Variants in NSD1 observed in about 807,000 individuals in gnomAD.
NSD1 encodes nuclear receptor binding SET domain protein 1.
NSD1 carries 26 observed loss-of-function variants against 242.7 expected under a neutral mutation model. That is an observed-to-expected ratio of 0.11 (90% CI 0.08 to 0.15). The LOEUF is 0.15. Among genes scored for constraint, NSD1 ranks in the 10% least tolerant of loss-of-function variants. The probability of loss-of-function intolerance (pLI) is 1.00; values close to 1 mark genes in which losing one functional copy is unlikely to be tolerated. For missense variants in NSD1, 2,495 were observed against 3,272.8 expected, an observed-to-expected ratio of 0.76 and a Z score of 5.80; for synonymous variants, 1,106 against 1,178.1, an observed-to-expected ratio of 0.94 and a Z score of 1.25.
intron 2 of NSD1, among the ~76,000 whole-genome samples, chr5:177,158,188 A>C (rs1286824179): frequency 6.6e-6 from 1 of 152,060 alleles, no homozygotes; most frequent in Non-Finnish European, 1.5e-5. Flanking sequence ...ACTGTTTTAC[A>C]TAGTGGTTGC....
At chr5:177,201,562 C>CTTT (rs754318510) in intron 3 of NSD1, among the ~76,000 whole-genome samples, 1 of 127,282 alleles carries the variant, frequency 7.9e-6, no homozygotes. Flanking sequence ...TAACTGTTTA[C>CTTT]TTTTTTTTTT....
intron 22 of NSD1, 64 bp from the exon 23 acceptor site, chr5:177,293,768 G>A (rs1760045029): frequency 6.3e-7 from 1 of 1,575,944 alleles, no homozygotes; most frequent in Non-Finnish European, 8.7e-7. Context: ...CTGTAGCATA[G>A]CCTTGGCCCA....
At chr5:177,179,695 A>G (rs1760499107) in intron 2 of NSD1, among the ~76,000 whole-genome samples, 1 of 152,166 alleles carries the variant, frequency 6.6e-6, no homozygotes, top group African/African-American at 2.4e-5. Context: ...ACACAATTTG[A>G]AAACTACCTC....
intron 4 of NSD1, among the ~76,000 whole-genome samples, chr5:177,205,768 AAAT>A (rs60261150): frequency 0.1 from 15,374 of 151,834 alleles, 1,301 homozygotes; most frequent in African/African-American, 0.24. Context: ...CTAGAAGGAG[AAAT>A]AATAATTCTT....
chr5:177,132,557 C>A (rs1013044938), upstream of NSD1, among the ~76,000 whole-genome samples: 162 of 151,898 alleles, frequency 1.1e-3, no homozygotes, highest in African/African-American at 3.6e-3. The surrounding 1 kb of genome is among the most constrained non-coding windows in gnomAD (Gnocchi z 7.5). Flanking sequence ...GAGGGAGCTT[C>A]GTCCCGGCTG....
At chr5:177,224,864 A>G (rs1764515931) in intron 5 of NSD1, among the ~76,000 whole-genome samples, 1 of 151,548 alleles carries the variant, frequency 6.6e-6, no homozygotes, top group African/African-American at 2.4e-5. Context: ...TTTTATACCT[A>G]TTTTGTCACA....
chr5:177,158,329 T>TTTTCTTTCTTTTC (rs1758372062), intron 2 of NSD1, among the ~76,000 whole-genome samples: 6 of 140,632 alleles, frequency 4.3e-5, no homozygotes, highest in African/African-American at 8.0e-5. Flanking sequence ...CTTTTCTTTC[T>TTTTCTTTCTTTTC]TTTCTTTCTT....
At chr5:177,209,201 A>G (rs1055802841) in intron 4 of NSD1, among the ~76,000 whole-genome samples, 1 of 151,976 alleles carries the variant, frequency 6.6e-6, no homozygotes, top group South Asian at 2.1e-4. Flanking sequence ...GGCTGGTTCC[A>G]TAAAAGCAGG....
intron 3 of NSD1, among the ~76,000 whole-genome samples, chr5:177,195,210 C>T (rs909431301): frequency 9.2e-5 from 14 of 151,958 alleles, no homozygotes; most frequent in South Asian, 4.2e-4. Flanking sequence ...TGACCAGACA[C>T]GGTAGCTCAT....
At chr5:177,228,001 C>G (rs1013038812) in intron 5 of NSD1, among the ~76,000 whole-genome samples, 3 of 148,102 alleles carry the variant, frequency 2.0e-5, no homozygotes, top group Admixed American at 6.7e-5. Context: ...TTGGAAGATT[C>G]ATCCTGTAGA....
intron 3 of NSD1, among the ~76,000 whole-genome samples, chr5:177,192,869 G>A (rs1761812732): frequency 6.6e-6 from 1 of 152,162 alleles, no homozygotes; most frequent in African/African-American, 2.4e-5. Context: ...ATGCCAGGAA[G>A]GTGTTAGGCC....
chr5:177,156,353 G>T (rs1381763454), intron 2 of NSD1, among the ~76,000 whole-genome samples: 5 of 151,630 alleles, frequency 3.3e-5, no homozygotes, highest in African/African-American at 1.2e-4. Flanking sequence ...GCTAATTTTT[G>T]TATTTTTTGT....
At chr5:177,168,422 C>T (rs1174681816) in intron 2 of NSD1, among the ~76,000 whole-genome samples, 1 of 146,524 alleles carries the variant, frequency 6.8e-6, no homozygotes, top group Non-Finnish European at 1.5e-5. Context: ...GGATTTTTTG[C>T]TCAGTTTCCT....
chr5:177,163,352 A>G (rs1292356673), intron 2 of NSD1, among the ~76,000 whole-genome samples: 2 of 151,952 alleles, frequency 1.3e-5, no homozygotes, highest in Non-Finnish European at 2.9e-5. Context: ...TATGTTGGCC[A>G]GGCTGGTCTT....
rs981932473 is a variant in NSD1, at chr5:177,210,586, T to C, written c.2187T>C (p.Asn729=). ...AEPGTETSQV[N]LSDLKASTLV... ...CTGGAACCGAGACGTCTCAGGTTAA[T>C]CTCTCTGATCTGAAGGCATCTACTC... Residue 729 remains asparagine, a synonymous_variant, in exon 5 of 23, where the codon AAT becomes AAC. Coordinates refer to ENST00000439151, the MANE Select transcript of NSD1 (RefSeq NM_022455.5). 1 of 1,614,146 alleles carries C rather than the reference T, an allele frequency of 6.2e-7. No homozygotes were observed. The highest frequency in any genetic ancestry group is 1.3e-5 in the African/African-American group (1 of 75,036).
At chr5:177,187,655 T>C (rs1283797534) in intron 2 of NSD1, among the ~76,000 whole-genome samples, 1 of 152,196 alleles carries the variant, frequency 6.6e-6, no homozygotes, top group African/African-American at 2.4e-5. Context: ...CCTGTCCCTC[T>C]CCTAATGTCT....
chr5:177,186,274 T>C (rs79025506), intron 2 of NSD1, among the ~76,000 whole-genome samples: 4,611 of 149,894 alleles, frequency 0.031, 122 homozygotes, highest in Non-Finnish European at 0.041. Flanking sequence ...CTGCATTACA[T>C]AGGGAGACCC....
chr5:177,132,621 G>C (rs1755955906), upstream of NSD1, among the ~76,000 whole-genome samples: 1 of 152,000 alleles, frequency 6.6e-6, no homozygotes, highest in South Asian at 2.1e-4. This position sits in a 1 kb window ranked among gnomAD's most constrained non-coding sequence, Gnocchi z 7.5. Flanking sequence ...GCTGCAGGCC[G>C]AGGTGCGGAC....
chr5:177,219,185 A>C (rs1006190223), intron 5 of NSD1, among the ~76,000 whole-genome samples: 26 of 150,798 alleles, frequency 1.7e-4, no homozygotes, highest in African/African-American at 6.1e-4. Context: ...GCATCCCATA[A>C]GTTTTGTGTT....
Sources: gnomAD v4.1 joint callset for allele counts (sites outside exome capture counted in the v4.1 genomes callset) on GRCh38, gnomAD v4.1.1 for gene constraint, Gnocchi (gnomAD v3.1) non-coding constraint, MANE v1.5 for transcripts, NCBI Gene and HGNC (gene_info 2026-07-23, HGNC 2026-07-21) for gene names.